The following SPMIP3 variants were observed in gnomAD, a reference collection of about 807,000 sequenced individuals.
SPMIP3 encodes sperm microtubule inner protein 3.
At chr1:244,372,418 G>C in the SPMIP3 span, among the ~76,000 whole-genome samples, 1 of 151,650 alleles carries the variant, frequency 6.6e-6, no homozygotes, top group Non-Finnish European at 1.5e-5. Context: ...TATGCAAAAT[G>C]ATGTGCTACT....
At chr1:244,373,838 G>C in the SPMIP3 span, among the ~76,000 whole-genome samples, 2 of 152,082 alleles carry the variant, frequency 1.3e-5, no homozygotes, top group Non-Finnish European at 2.9e-5. Flanking sequence ...TTCTGGCCGG[G>C]TGCAGTGGCT....
At chr1:244,358,381 C>T in the SPMIP3 span, among the ~76,000 whole-genome samples, 1 of 151,572 alleles carries the variant, frequency 6.6e-6, no homozygotes, top group Admixed American at 6.6e-5. Context: ...GTCAGAAGTT[C>T]GAGACCAGCC....
chr1:244,372,281 T>G, the SPMIP3 span, among the ~76,000 whole-genome samples: 5 of 152,230 alleles, frequency 3.3e-5, no homozygotes, highest in African/African-American at 4.8e-5. Flanking sequence ...CTTAGTCAGC[T>G]TTGTATCTGC....
At chr1:244,360,557 C>CACACACAT in the SPMIP3 span, among the ~76,000 whole-genome samples, 2 of 56,068 alleles carry the variant, frequency 3.6e-5, no homozygotes, top group Non-Finnish European at 6.6e-5. Flanking sequence ...CACACACACA[C>CACACACAT]ATGCATGCAT....
chr1:244,385,191 C>T, the SPMIP3 span, among the ~76,000 whole-genome samples: 1 of 152,152 alleles, frequency 6.6e-6, no homozygotes, highest in Non-Finnish European at 1.5e-5. Context: ...CCGTGCCCAG[C>T]CTAGGCCAGT....
At chr1:244,366,717 T>C in the SPMIP3 span, among the ~76,000 whole-genome samples, 2 of 151,942 alleles carry the variant, frequency 1.3e-5, no homozygotes, top group African/African-American at 2.4e-5. Flanking sequence ...CTGTCTCTAC[T>C]AAAAATACAA....
At chr1:244,360,762 T>C in the SPMIP3 span, among the ~76,000 whole-genome samples, 1 of 151,806 alleles carries the variant, frequency 6.6e-6, no homozygotes, top group East Asian at 1.9e-4. Context: ...CAGGTGCCTG[T>C]AGTCCCAGCT....
chr1:244,363,729 C>G, the SPMIP3 span, among the ~76,000 whole-genome samples: 3 of 152,186 alleles, frequency 2.0e-5, no homozygotes, highest in Non-Finnish European at 4.4e-5. Flanking sequence ...CCCTGGGACA[C>G]AGACTTCAGC....
the SPMIP3 span, among the ~76,000 whole-genome samples, chr1:244,373,916 C>T: frequency 1.9e-4 from 29 of 152,142 alleles, no homozygotes; most frequent in African/African-American, 6.0e-4. Context: ...GAGTTTGAGA[C>T]CATCCTAGCC....
the SPMIP3 span, among the ~76,000 whole-genome samples, chr1:244,354,212 T>C: frequency 6.6e-6 from 1 of 152,146 alleles, no homozygotes; most frequent in East Asian, 1.9e-4. Context: ...CTGACTCTAA[T>C]ATCCTTCCTC....
the SPMIP3 span, among the ~76,000 whole-genome samples, chr1:244,363,564 G>C: frequency 0.017 from 2,567 of 152,200 alleles, 88 homozygotes; most frequent in African/African-American, 0.058. Context: ...CTCTGGGTGG[G>C]GCCCCCAGGA....
the SPMIP3 span, among the ~76,000 whole-genome samples, chr1:244,379,138 C>T: frequency 3.3e-5 from 5 of 151,622 alleles, no homozygotes; most frequent in South Asian, 6.2e-4. Flanking sequence ...CCATGTTGGC[C>T]GGGATGGTCT....
At chr1:244,375,155 G>A in the SPMIP3 span, 1 of 340,212 alleles carries the variant, frequency 2.9e-6, no homozygotes, top group Non-Finnish European at 5.4e-6. Context: ...TGGGAGGAGG[G>A]AGGCCTGCGA....
chr1:244,375,537 G>C, the SPMIP3 span: 2 of 1,247,324 alleles, frequency 1.6e-6, no homozygotes, highest in Non-Finnish European at 2.3e-6. Flanking sequence ...GGGGTCGGCG[G>C]GGGGAAGATA....
At chr1:244,361,332 G>A in the SPMIP3 span, among the ~76,000 whole-genome samples, 203 of 149,548 alleles carry the variant, frequency 1.4e-3, 2 homozygotes, top group East Asian at 0.011. Context: ...TGGGTTCAAG[G>A]ATTCTCCTGC....
chr1:244,387,516 CAT>C, the SPMIP3 span, among the ~76,000 whole-genome samples: 2 of 132,016 alleles, frequency 1.5e-5, no homozygotes, highest in Admixed American at 7.9e-5. Context: ...TGGGTGTAGA[CAT>C]GTGAAATCTC....
At chr1:244,361,528 C>T in the SPMIP3 span, among the ~76,000 whole-genome samples, 1 of 152,084 alleles carries the variant, frequency 6.6e-6, no homozygotes. Flanking sequence ...CGCGCCCGGC[C>T]TGTTCTACAT....
chr1:244,364,709 C>G, the SPMIP3 span: 1 of 1,613,984 alleles, frequency 6.2e-7, no homozygotes, highest in Admixed American at 1.7e-5. Context: ...TCATGACTGC[C>G]ATCCGACTAC....
the SPMIP3 span, chr1:244,376,531 A>T: frequency 6.6e-6 from 1 of 152,224 alleles, no homozygotes; most frequent in Non-Finnish European, 1.5e-5. Context: ...TCAAAAATGG[A>T]ATGATTGAAA....
Sources: gnomAD v4.1 joint callset for allele counts (sites outside exome capture counted in the v4.1 genomes callset) on GRCh38, gnomAD v4.1.1 for gene constraint, MANE v1.5 for transcripts, NCBI Gene and HGNC (gene_info 2026-07-23, HGNC 2026-07-21) for gene names.